The following PTPA variants were observed in gnomAD, a reference collection of about 807,000 sequenced individuals.
PTPA encodes the protein serine/threonine-protein phosphatase 2A activator.
Under a neutral mutation model 43.6 loss-of-function variants are expected in PTPA, and 13 were observed. That is an observed-to-expected ratio of 0.30 (90% CI 0.19 to 0.47). PTPA has a LOEUF of 0.47. Among genes scored for constraint, PTPA ranks in the 20% least tolerant of loss-of-function variants. The probability of loss-of-function intolerance (pLI) is 0.99; values close to 1 mark genes in which losing one functional copy is unlikely to be tolerated. For missense variants in PTPA, 329 were observed against 411.9 expected, an observed-to-expected ratio of 0.80 and a Z score of 1.74; for synonymous variants, 172 against 158.2, an observed-to-expected ratio of 1.09 and a Z score of -0.66.
chr9:129,140,703 T>A (rs1351321328), intron 8 of PTPA, among the ~76,000 whole-genome samples: 2 of 149,304 alleles, frequency 1.3e-5, no homozygotes, highest in Non-Finnish European at 3.0e-5. Context: ...GTCCAGAGAG[T>A]GAAACTGGTT....
intron 9 of PTPA, 79 bp downstream of exon 9, chr9:129,142,631 ACCTGGGGCT>A: frequency 6.3e-7 from 1 of 1,581,700 alleles, no homozygotes; most frequent in African/African-American, 1.4e-5. Context: ...AAGATGTGGA[ACCTGGGGCT>A]CCTGCTTCCT....
At chr9:129,125,376 C>T (rs771465100) in intron 3 of PTPA, among the ~76,000 whole-genome samples, 3 of 151,924 alleles carry the variant, frequency 2.0e-5, no homozygotes, top group Non-Finnish European at 4.4e-5. Flanking sequence ...CTCAGCCTCC[C>T]GAGTAGCTGG....
intron 3 of PTPA, among the ~76,000 whole-genome samples, chr9:129,125,534 C>T (rs1179667058): frequency 3.3e-5 from 5 of 152,162 alleles, no homozygotes; most frequent in African/African-American, 4.8e-5. Context: ...TGAGCTGCTG[C>T]GCCCGGCCCA....
At chr9:129,113,134 C>T (rs1426268421) in intron 1 of PTPA, among the ~76,000 whole-genome samples, 1 of 151,922 alleles carries the variant, frequency 6.6e-6, no homozygotes, top group East Asian at 1.9e-4. Flanking sequence ...CACTCTGTCC[C>T]CCAGGCTGAA....
intron 5 of PTPA, 22 bp downstream of exon 5, chr9:129,131,661 C>G: frequency 6.2e-7 from 1 of 1,600,336 alleles, no homozygotes; most frequent in Non-Finnish European, 8.6e-7. Flanking sequence ...TTGTGGGGCT[C>G]TGTACTTATC....
intron 8 of PTPA, among the ~76,000 whole-genome samples, chr9:129,140,989 C>T (rs1850768189): frequency 6.6e-6 from 1 of 151,904 alleles, no homozygotes; most frequent in Non-Finnish European, 1.5e-5. Context: ...TGGGCTTTGT[C>T]TCTGTTGGGT....
At chr9:129,120,087 G>A (rs12551447) in intron 1 of PTPA, among the ~76,000 whole-genome samples, 3 of 152,048 alleles carry the variant, frequency 2.0e-5, no homozygotes, top group Non-Finnish European at 2.9e-5. Flanking sequence ...GTGAAACCCC[G>A]TCTCTACTAA....
intron 9 of PTPA, 175 bp downstream of exon 9, chr9:129,142,727 A>G (rs1314594580): frequency 5.9e-6 from 9 of 1,538,200 alleles, no homozygotes; most frequent in African/African-American, 2.7e-5. Context: ...CATCTGGGGC[A>G]TGGGCAGTCA....
rs1851014026 is a variant in PTPA at position 129,143,093 on chromosome 9, TGAGGA to T, written c.894+550_894+554del. 94 of 677,262 alleles carry T rather than the reference TGAGGA, an allele frequency of 1.4e-4. No individual in the cohort carries two copies. In the South Asian group the frequency reaches 1.6e-3, roughly 12 times the overall value. The allele number at this position is 677,262 out of a possible 1,614,324, so 42.0% of individuals were successfully genotyped here. On this transcript the variant is annotated intron_variant, in intron 9 of 9. Transcript: ENST00000393370. ...TTTTCCCTGCTCTCAAATCAGATGC[TGAGGA>T]GAGGAGAGCTGAGGCTTCCTGGAGC...
At chr9:129,143,472 A>G (rs753665488) in intron 9 of PTPA, 261 of 702,340 alleles carry the variant, frequency 3.7e-4, no homozygotes, top group Non-Finnish European at 5.5e-4. Context: ...GGGCTGCTCC[A>G]GGTCTTCATT....
chr9:129,136,780 G>A (rs1019627980), intron 7 of PTPA, among the ~76,000 whole-genome samples, 185 bp downstream of exon 7: 4 of 152,260 alleles, frequency 2.6e-5, no homozygotes, highest in Non-Finnish European at 4.4e-5. Context: ...TCTGCTGTGA[G>A]AGCCCGTGTG....
intron 3 of PTPA, 120 bp from the exon 4 acceptor site, chr9:129,128,865 G>T: frequency 1.6e-6 from 2 of 1,215,942 alleles, no homozygotes; most frequent in East Asian, 2.4e-5. Context: ...GAGGGATGGG[G>T]GAGAGTTCCC....
chr9:129,124,520 T>C (rs1849455300), intron 3 of PTPA, among the ~76,000 whole-genome samples: 1 of 152,248 alleles, frequency 6.6e-6, no homozygotes, highest in South Asian at 2.1e-4. Context: ...GCGTTTGGGT[T>C]CACACTGCCT....
intron 1 of PTPA, among the ~76,000 whole-genome samples, chr9:129,114,265 C>T (rs1848728028): frequency 6.6e-6 from 1 of 152,208 alleles, no homozygotes; most frequent in South Asian, 2.1e-4. Context: ...TCAAGTAATT[C>T]ACCCGCCTTG....
chr9:129,123,237 G>T (rs1295850905), intron 3 of PTPA, 99 bp downstream of exon 3: 1 of 996,882 alleles, frequency 1.0e-6, no homozygotes, highest in Non-Finnish European at 1.5e-6. Context: ...ACCTTGGGAG[G>T]CCGAGGCAGG....
chr9:129,134,349 G>A (rs1386646793), intron 5 of PTPA, among the ~76,000 whole-genome samples: 1 of 127,600 alleles, frequency 7.8e-6, no homozygotes, highest in Non-Finnish European at 1.6e-5. Context: ...TTGTCACCCA[G>A]GCTGGAGTGC....
chr9:129,143,480 A>G, intron 9 of PTPA: 1 of 702,022 alleles, frequency 1.4e-6, no homozygotes, highest in South Asian at 1.5e-5. Context: ...CCAGGTCTTC[A>G]TTGGACCCAG....
At chr9:129,144,459 C>T (rs1300668765) in intron 9 of PTPA, among the ~76,000 whole-genome samples, 1 of 152,106 alleles carries the variant, frequency 6.6e-6, no homozygotes, top group Non-Finnish European at 1.5e-5. Context: ...CCAAGTCAGG[C>T]CGGGCGTGGT....
intron 5 of PTPA, among the ~76,000 whole-genome samples, chr9:129,134,296 CTTTTTTTTTTT>C (rs68089837): frequency 1.8e-4 from 10 of 56,906 alleles, no homozygotes; most frequent in South Asian, 1.6e-3. Context: ...ACTGGTAGTT[CTTTTTTTTTTT>C]TTTTTTTTTT....
Sources: gnomAD v4.1 joint callset for allele counts (sites outside exome capture counted in the v4.1 genomes callset) on GRCh38, gnomAD v4.1.1 for gene constraint, MANE v1.5 for transcripts, NCBI Gene and HGNC (gene_info 2026-07-23, HGNC 2026-07-21) for gene names.